The following SLC66A1 variants were observed in gnomAD, a reference collection of about 807,000 sequenced individuals.
SLC66A1 encodes the protein solute carrier family 66 member 1, also known as lysosomal amino acid transporter 1 homolog.
In SLC66A1, 23 loss-of-function variants were observed where a neutral mutation model predicts 33.0. The observed-to-expected ratio is 0.70, with a 90% confidence interval of 0.50 to 0.99. The LOEUF (loss-of-function observed/expected upper bound fraction) is 0.99. SLC66A1 is among the 50% of genes least tolerant of loss of function. The pLI, the probability that SLC66A1 is intolerant of heterozygous loss-of-function variation, is 0.00. For missense variants in SLC66A1, 335 were observed against 383.6 expected, an observed-to-expected ratio of 0.87 and a Z score of 1.06; for synonymous variants, 164 against 175.5, an observed-to-expected ratio of 0.93 and a Z score of 0.52.
chr1:19,325,502 C>T lies in SLC66A1; in HGVS notation c.302C>T (p.Thr101Met), dbSNP rs933085926. ...LADQLPLQTY[T>M]AVYYVLADLV... ...CCCCTGCATCTCTTACAGACCTACA[C>T]GGCTGTGTATTATGTCTTGGCAGAC... The change falls in exon 4 of 8, where the codon ACG (threonine) becomes ATG (methionine). Residue 101 changes from threonine (T) to methionine (M), a missense_variant. Coordinates refer to ENST00000375153, the MANE Select transcript of SLC66A1 (RefSeq NM_001040125.2). 12 of 1,606,420 alleles carry T rather than the reference C, an allele frequency of 7.5e-6. No homozygotes were observed. Among genetic ancestry groups the T allele is most frequent in the Admixed American group, 3.3e-5 (2 of 59,990 alleles).
chr1:19,317,155 TA>T (rs1558145938), intron 1 of SLC66A1, among the ~76,000 whole-genome samples: 1 of 152,084 alleles, frequency 6.6e-6, no homozygotes, highest in Non-Finnish European at 1.5e-5. Flanking sequence ...AGGAATACCC[TA>T]AGTGTTCAAG....
intron 2 of SLC66A1, among the ~76,000 whole-genome samples, chr1:19,322,740 A>C (rs2093844120): frequency 6.6e-6 from 1 of 152,166 alleles, no homozygotes; most frequent in Admixed American, 6.5e-5. Context: ...CAGAGCTGGG[A>C]GGAAGAGAGC....
At chr1:19,327,529 A>ATCCATCCCTCCCTCCC (rs1553263868) in intron 7 of SLC66A1, 117 bp downstream of exon 7, 4 of 682,130 alleles carry the variant, frequency 5.9e-6, no homozygotes, top group Non-Finnish European at 9.3e-6. Context: ...CCATCCATCC[A>ATCCATCCCTCCCTCCC]TCCCTCCCTC....
chr1:19,313,908 A>G (rs535556542), intron 1 of SLC66A1, among the ~76,000 whole-genome samples: 1 of 152,288 alleles, frequency 6.6e-6, no homozygotes, highest in South Asian at 2.1e-4. Flanking sequence ...ACCTTTCTCA[A>G]AGTGCACTAG....
chr1:19,328,425 G>C lies in SLC66A1; in HGVS notation c.805-147G>C. 1 of 732,966 alleles carries C rather than the reference G, an allele frequency of 1.4e-6. No homozygotes were observed. Among genetic ancestry groups the C allele is most frequent in the Non-Finnish European group, 2.4e-6 (1 of 420,140 alleles). The allele number at this position is 732,966 out of a possible 1,614,324, so 45.4% of individuals were successfully genotyped here. A position where few individuals can be genotyped will look rare whatever the true frequency, so the allele number is the denominator to read the frequency against. ...GAGTGGAGGGCACAGCTAAGGTAGC[G>C]GCTGGGAGGTTATGGCTGGCCCTTC... On this transcript the variant is annotated intron_variant, in intron 7 of 7. Transcript: ENST00000375153. The surrounding 1 kb of genome is among the most constrained non-coding windows in gnomAD (Gnocchi z 4.7).
chr1:19,326,457 T>C (rs2093867751), intron 5 of SLC66A1, 70 bp downstream of exon 5: 5 of 1,612,266 alleles, frequency 3.1e-6, no homozygotes, highest in Non-Finnish European at 3.4e-6. Context: ...CTGCACAGCC[T>C]CATGGGTGCT....
chr1:19,326,762 A>T, intron 6 of SLC66A1, 139 bp downstream of exon 6: 1 of 895,094 alleles, frequency 1.1e-6, no homozygotes, highest in Non-Finnish European at 1.7e-6. Flanking sequence ...TGGCTTGGGC[A>T]AGTTAATCCA....
chr1:19,313,139 T>C (rs1349451141), intron 1 of SLC66A1: 1 of 943,024 alleles, frequency 1.1e-6, no homozygotes, highest in Non-Finnish European at 1.3e-6. Flanking sequence ...GTGGTGGGTA[T>C]TGCATTATTC....
Position 19,325,497 on chromosome 1 carries a change from C to T in SLC66A1, c.297C>T (p.Thr99=). The part of the protein sequence containing the change: ...SFLADQLPLQ[T]YTAVYYVLAD... ...TGGGCCCCCTGCATCTCTTACAGAC[C>T]TACACGGCTGTGTATTATGTCTTGG... Residue 99 remains threonine, a splice_region_variant and synonymous_variant, in exon 4 of 8, where the codon ACC becomes ACT. Transcript: ENST00000375153. 6.2e-7 allele frequency: 1 copy of T among 1,604,052 alleles called. No individual in the cohort carries two copies. The highest frequency in any genetic ancestry group is 8.5e-7 in the Non-Finnish European group (1 of 1,171,084).
At chr1:19,325,462 C>T (rs773173914) in intron 3 of SLC66A1, 33 bp from the exon 4 acceptor site, 28 of 1,510,016 alleles carry the variant, frequency 1.9e-5, no homozygotes, top group Non-Finnish European at 2.5e-5. Context: ...CCTGGGACTG[C>T]GCCAACCCCT....
chr1:19,325,019 G>A (rs1049184581), intron 3 of SLC66A1, among the ~76,000 whole-genome samples: 1 of 152,232 alleles, frequency 6.6e-6, no homozygotes, highest in Non-Finnish European at 1.5e-5. Flanking sequence ...TCCACCTCCA[G>A]GGTGCTGGAG....
chr1:19,316,316 C>A (rs760040497), intron 1 of SLC66A1, among the ~76,000 whole-genome samples: 2 of 151,954 alleles, frequency 1.3e-5, no homozygotes, highest in Non-Finnish European at 2.9e-5. Flanking sequence ...CTCCTCTTCT[C>A]CACTTGCCTC....
At chr1:19,326,121 G>A (rs2093864658) in intron 4 of SLC66A1, 124 bp from the exon 5 acceptor site, 1 of 817,680 alleles carries the variant, frequency 1.2e-6, no homozygotes, top group Admixed American at 2.4e-5. Context: ...AAAGCTCAGA[G>A]AGGTTAGGTC....
At chr1:19,323,561 C>T (rs1241492003) in intron 2 of SLC66A1, among the ~76,000 whole-genome samples, 1 of 152,116 alleles carries the variant, frequency 6.6e-6, no homozygotes, top group Admixed American at 6.5e-5. Flanking sequence ...CGTGCGCCAC[C>T]ATGCCTGGCT....
intron 2 of SLC66A1, 49 bp from the exon 3 acceptor site, chr1:19,324,584 C>A (rs2093853813): frequency 6.2e-7 from 1 of 1,609,982 alleles, no homozygotes; most frequent in South Asian, 1.1e-5. Context: ...AGGCGGCATC[C>A]CCTGTAAGGT....
intron 1 of SLC66A1, among the ~76,000 whole-genome samples, chr1:19,313,485 G>T (rs535985979): frequency 2.0e-5 from 3 of 152,226 alleles, no homozygotes; most frequent in Non-Finnish European, 4.4e-5. Flanking sequence ...GACAGTGGTC[G>T]CAGAGGACGG....
intron 2 of SLC66A1, 23 bp from the exon 3 acceptor site, chr1:19,324,610 C>G (rs774984537): frequency 3.1e-6 from 5 of 1,613,620 alleles, no homozygotes; most frequent in Non-Finnish European, 4.2e-6. Context: ...GAGCATGCAT[C>G]CCTTCCTCTT....
rs191021683 is a variant in SLC66A1, at chr1:19,324,552, C to T, written c.165-81C>T. The stretch of plus-strand genomic sequence containing the variant: ...GCCGCCTCGATCCCCATGGTCGTCT[C>T]CTCTGGGCGGTGTCCCCTATAAGGC... On this transcript the variant is annotated intron_variant, in intron 2 of 7. Transcript: ENST00000375153. 2.9e-4 allele frequency: 445 copies of T among 1,554,368 alleles called. 3 individuals are homozygous for T. In the African/African-American group the frequency reaches 5.6e-3, roughly 19 times the overall value.
downstream of SLC66A1, among the ~76,000 whole-genome samples, chr1:19,331,809 G>C (rs1008900036): frequency 6.6e-6 from 1 of 152,240 alleles, no homozygotes; most frequent in Admixed American, 6.5e-5. Context: ...GGGGCCGGGT[G>C]GGGAAGAGTG....
Sources: allele counts gnomAD v4.1 joint callset (sites outside exome capture counted in the v4.1 genomes callset), GRCh38; gene constraint gnomAD v4.1.1; non-coding constraint Gnocchi (gnomAD v3.1); transcripts MANE v1.5; gene names NCBI Gene and HGNC (gene_info 2026-07-23, HGNC 2026-07-21).